The following VPS13B variants were observed in gnomAD, a reference collection of about 807,000 sequenced individuals.
VPS13B encodes intermembrane lipid transfer protein VPS13B.
In VPS13B, 285 loss-of-function variants were observed where a neutral mutation model predicts 426.4. The observed-to-expected ratio is 0.67, with a 90% CI of 0.61 to 0.74. VPS13B has a LOEUF of 0.74. Among genes scored for constraint, VPS13B ranks in the 30% least tolerant of loss-of-function variants. The probability of loss-of-function intolerance (pLI) is 0.00; values close to 1 mark genes in which losing one functional copy is unlikely to be tolerated. For missense variants in VPS13B, 4,537 were observed against 4,782.6 expected (o/e 0.95, Z 1.51); for synonymous variants, 1,676 against 1,676.4 (o/e 1.00, Z 0.01).
chr8:99,765,564 A>G (rs1423738418), intron 39 of VPS13B, among the ~76,000 whole-genome samples: 3 of 152,216 alleles, frequency 2.0e-5, no homozygotes, highest in African/African-American at 7.2e-5. Context: ...GTGGCATGGC[A>G]AGCAGCATGA....
intron 17 of VPS13B, among the ~76,000 whole-genome samples, chr8:99,217,482 C>T (rs1815450817): frequency 6.6e-6 from 1 of 152,184 alleles, no homozygotes; most frequent in Admixed American, 6.5e-5. Flanking sequence ...TGACTTACTA[C>T]ATGTGACTTT....
At chr8:99,803,334 G>A (rs1813227580) in intron 43 of VPS13B, among the ~76,000 whole-genome samples, 1 of 152,168 alleles carries the variant, frequency 6.6e-6, no homozygotes, top group African/African-American at 2.4e-5. Flanking sequence ...AATCTTGAGA[G>A]AGAACTTACA....
chr8:99,154,315 T>G (rs941380945), intron 14 of VPS13B, among the ~76,000 whole-genome samples: 23 of 152,202 alleles, frequency 1.5e-4, no homozygotes, highest in African/African-American at 5.5e-4. Context: ...GAATTCGTAT[T>G]ACATGTATGT....
intron 15 of VPS13B, among the ~76,000 whole-genome samples, chr8:99,162,184 C>T (rs1795384029): frequency 6.6e-6 from 1 of 151,970 alleles, no homozygotes; most frequent in South Asian, 2.1e-4. Flanking sequence ...GATGTGACTC[C>T]ATTTACCAGT....
chr8:99,062,696 G>A (rs987152417), intron 3 of VPS13B, among the ~76,000 whole-genome samples: 1 of 152,004 alleles, frequency 6.6e-6, no homozygotes, highest in African/African-American at 2.4e-5. Context: ...TCGAACTTTC[G>A]ACCTCAGATG....
chr8:99,144,997 G>A (rs961840939), intron 13 of VPS13B, among the ~76,000 whole-genome samples: 1 of 152,192 alleles, frequency 6.6e-6, no homozygotes, highest in African/African-American at 2.4e-5. Context: ...AATCATGCAT[G>A]TATTTGTGAA....
chr8:99,440,404 C>T (rs1316338574), intron 22 of VPS13B, among the ~76,000 whole-genome samples: 3 of 152,036 alleles, frequency 2.0e-5, no homozygotes, highest in Non-Finnish European at 4.4e-5. Context: ...TCAGAATTTA[C>T]TGCTGCAGAT....
At chr8:99,079,554 G>A (rs1845331772) in intron 3 of VPS13B, among the ~76,000 whole-genome samples, 1 of 152,120 alleles carries the variant, frequency 6.6e-6, no homozygotes, top group African/African-American at 2.4e-5. Context: ...ATTAAATAAT[G>A]ATCCTACTAT....
At chr8:99,831,315 C>T (rs1815046320) in intron 51 of VPS13B, among the ~76,000 whole-genome samples, 1 of 152,170 alleles carries the variant, frequency 6.6e-6, no homozygotes, top group East Asian at 1.9e-4. Context: ...TCGTGATCCA[C>T]CTGCCTCAGC....
intron 44 of VPS13B, among the ~76,000 whole-genome samples, chr8:99,816,511 C>G (rs1814049797): frequency 6.6e-6 from 1 of 152,162 alleles, no homozygotes; most frequent in South Asian, 2.1e-4. Flanking sequence ...AAAGATAAAA[C>G]TTACACAGTT....
At chr8:99,512,668 A>G (rs978853784) in intron 29 of VPS13B, among the ~76,000 whole-genome samples, 1 of 152,170 alleles carries the variant, frequency 6.6e-6, no homozygotes, top group Non-Finnish European at 1.5e-5. Flanking sequence ...ATTACACAAA[A>G]TTTATCAGTG....
At chr8:99,230,363 A>G (rs1247674298) in intron 17 of VPS13B, among the ~76,000 whole-genome samples, 1 of 152,204 alleles carries the variant, frequency 6.6e-6, no homozygotes, top group African/African-American at 2.4e-5. Flanking sequence ...TGCATATAGC[A>G]GGGACCTGCA....
At chr8:99,746,909 A>G (rs1234592981) in intron 39 of VPS13B, among the ~76,000 whole-genome samples, 3 of 152,130 alleles carry the variant, frequency 2.0e-5, no homozygotes, top group Non-Finnish European at 4.4e-5. Context: ...TCAGTGATAA[A>G]TATCCCTTTA....
At chr8:99,389,745 CTTATA>C (rs1369969009) in intron 20 of VPS13B, 1 of 152,058 alleles carries the variant, frequency 6.6e-6, no homozygotes, top group Non-Finnish European at 1.5e-5. Flanking sequence ...GTGGTTCAAA[CTTATA>C]TTATTCAAGG....
rs978019014 is a variant in VPS13B at position 99,587,593 on chromosome 8, A to C, written c.5220+9960A>C. ...GACCAGTGATGATGAGCATTTTTTC[A>C]TGTGTCTGTTGGCTGCATAAATGTC... On this transcript the variant is annotated intron_variant, in intron 33 of 61. Coordinates refer to ENST00000357162, the MANE Select transcript of VPS13B (RefSeq NM_152564.5). Among the ~76,000 whole-genome samples the C allele has an allele frequency of 2.0e-5, 3 of 151,656 alleles. 1 individual carries two copies. The highest frequency in any genetic ancestry group is 7.3e-5 in the African/African-American group (3 of 40,994).
chr8:99,861,535 C>A (rs1816832533), intron 57 of VPS13B, among the ~76,000 whole-genome samples: 1 of 152,234 alleles, frequency 6.6e-6, no homozygotes, highest in African/African-American at 2.4e-5. Flanking sequence ...CTGCTAGGCT[C>A]AAGCAATCCT....
At position 99,560,378 on chromosome 8, in the gene VPS13B, G is replaced by T. The variant is rs146070099; in HGVS notation, c.4949+3725G>T. 4.2e-3 allele frequency among the ~76,000 whole-genome samples: 634 copies of T among 152,162 alleles called. 8 individuals are homozygous for T. Among genetic ancestry groups the T allele is most frequent in the African/African-American group, 0.014 (591 of 41,550 alleles). On this transcript the variant is annotated intron_variant, in intron 31 of 61. Transcript: ENST00000357162. ...TTTCTAGGAAGCCTTCCCTGAGCCT[G>T]TCAGAAGACCAAGTTAAGTCTCATT...
intron 8 of VPS13B, among the ~76,000 whole-genome samples, chr8:99,130,090 G>A (rs565373970): frequency 6.6e-6 from 1 of 152,226 alleles, no homozygotes; most frequent in East Asian, 1.9e-4. Flanking sequence ...AGACTTCTTG[G>A]GCAGTATTTG....
intron 14 of VPS13B, among the ~76,000 whole-genome samples, chr8:99,154,196 T>C (rs1009567455): frequency 6.6e-6 from 1 of 151,838 alleles, no homozygotes; most frequent in East Asian, 1.9e-4. Context: ...TGGTGTTCTC[T>C]GAGTTTCCTG....
Sources: gnomAD v4.1 joint callset for allele counts (sites outside exome capture counted in the v4.1 genomes callset) on GRCh38, gnomAD v4.1.1 for gene constraint, MANE v1.5 for transcripts, NCBI Gene and HGNC (gene_info 2026-07-23, HGNC 2026-07-21) for gene names.